Variants in CDH19 observed in about 807,000 individuals in gnomAD.
CDH19 encodes cadherin 19.
A neutral mutation model predicts 64.2 loss-of-function variants in CDH19; 67 were observed. The observed-to-expected ratio is 1.04, with a 90% CI of 0.86 to 1.28. The LOEUF is 1.28. Ranked by LOEUF, CDH19 falls within the 50% of genes most tolerant of loss-of-function variation. The pLI is 0.00. For synonymous variants in CDH19, 346 were observed against 319.3 expected (o/e 1.08, Z -0.89); for missense variants, 1,030 against 929.0 (o/e 1.11, Z -1.41).
chr18:66,546,721 G>A (rs1253651117), intron 5 of CDH19, among the ~76,000 whole-genome samples: 1 of 152,092 alleles, frequency 6.6e-6, no homozygotes, highest in Non-Finnish European at 1.5e-5. Context: ...TAAAGATAAG[G>A]TGTAAAGTAT....
chr18:66,600,298 T>C (rs753137300), intron 1 of CDH19, among the ~76,000 whole-genome samples: 49 of 151,864 alleles, frequency 3.2e-4, no homozygotes, highest in Non-Finnish European at 5.6e-4. Context: ...CCTTACTTTA[T>C]TTTTTAAAAA....
At chr18:66,554,062 C>T (rs928528474) in intron 4 of CDH19, among the ~76,000 whole-genome samples, 4 of 151,928 alleles carry the variant, frequency 2.6e-5, no homozygotes, top group African/African-American at 9.7e-5. Context: ...TTTTAATATG[C>T]TTACTGGCTT....
intron 1 of CDH19, among the ~76,000 whole-genome samples, chr18:66,589,811 A>T (rs1031091331): frequency 9.2e-5 from 14 of 151,908 alleles, no homozygotes; most frequent in Non-Finnish European, 1.5e-5. Context: ...ATCAGTACAA[A>T]ATCTAAAAAT....
intron 1 of CDH19, among the ~76,000 whole-genome samples, chr18:66,593,326 C>T (rs748368950): frequency 1.3e-5 from 2 of 151,856 alleles, no homozygotes; most frequent in South Asian, 4.1e-4. Context: ...ATCTGTGACT[C>T]TATCTTAAAG....
intron 1 of CDH19, among the ~76,000 whole-genome samples, chr18:66,578,506 C>CATA (rs1166383663): frequency 2.0e-5 from 3 of 151,730 alleles, no homozygotes; most frequent in Non-Finnish European, 4.4e-5. Flanking sequence ...AGCAACTGTA[C>CATA]CTCTCATACA....
intron 1 of CDH19, among the ~76,000 whole-genome samples, chr18:66,586,801 A>G (rs1988592114): frequency 6.6e-6 from 1 of 152,120 alleles, no homozygotes; most frequent in South Asian, 2.1e-4. Flanking sequence ...TTAATATTAG[A>G]ACAATGTTAA....
At chr18:66,521,710 A>C (rs1283739421) in intron 9 of CDH19, among the ~76,000 whole-genome samples, 1 of 151,568 alleles carries the variant, frequency 6.6e-6, no homozygotes, top group African/African-American at 2.4e-5. Flanking sequence ...TAATTAAAAA[A>C]AAAAAATGTA....
rs573561639 is a variant in CDH19 at position 66,548,376 on chromosome 18, G to C, written c.775+2718C>G. ...TATTTAATATGAGGTTCTCAGCCCAGAGGTGGTTATGTAAAGCCACGTGTC... is the reference window on the plus strand; with the variant it reads ...TATTTAATATGAGGTTCTCAGCCCACAGGTGGTTATGTAAAGCCACGTGTC... On this transcript the variant is annotated intron_variant, in intron 5 of 11. Coordinates refer to ENST00000262150, the MANE Select transcript of CDH19 (RefSeq NM_021153.4). Among the ~76,000 whole-genome samples, 90 of 86,798 alleles carry C rather than the reference G, an allele frequency of 1.0e-3. 2 individuals are homozygous for C. In the East Asian group the frequency reaches 0.019, roughly 18 times the overall value. 56.9% of individuals were successfully genotyped at this position (86,798 alleles called of 152,430 possible). A position where few individuals can be genotyped will look rare whatever the true frequency, so the allele number is the denominator to read the frequency against.
intron 8 of CDH19, among the ~76,000 whole-genome samples, chr18:66,533,748 G>A (rs1370449174): frequency 1.3e-5 from 2 of 151,976 alleles, no homozygotes; most frequent in Non-Finnish European, 2.9e-5. Flanking sequence ...ATTTTTAAAT[G>A]GAACATCTCT....
intron 3 of CDH19, among the ~76,000 whole-genome samples, chr18:66,564,520 T>A (rs1205479841): frequency 3.3e-5 from 5 of 151,882 alleles, no homozygotes; most frequent in African/African-American, 4.8e-5. Flanking sequence ...TTGGAAAAGC[T>A]CCAAAGAGAG....
At chr18:66,522,465 G>T (rs1986039303) in intron 9 of CDH19, among the ~76,000 whole-genome samples, 2 of 151,828 alleles carry the variant, frequency 1.3e-5, no homozygotes, top group South Asian at 4.1e-4. Context: ...GGCCAGGCTG[G>T]TTTCGAACCC....
At chr18:66,543,155 A>G (rs1256440440) in intron 7 of CDH19, among the ~76,000 whole-genome samples, 1 of 152,042 alleles carries the variant, frequency 6.6e-6, no homozygotes, top group African/African-American at 2.4e-5. Flanking sequence ...CCTCCTGAGT[A>G]GCTGGGACTA....
At chr18:66,506,829 T>C (rs1009901961) in intron 11 of CDH19, among the ~76,000 whole-genome samples, 1 of 151,918 alleles carries the variant, frequency 6.6e-6, no homozygotes, top group Non-Finnish European at 1.5e-5. Flanking sequence ...ATGTTGGTTA[T>C]ATAGTATTTA....
At chr18:66,585,804 T>C (rs909543586) in intron 1 of CDH19, among the ~76,000 whole-genome samples, 1 of 151,992 alleles carries the variant, frequency 6.6e-6, no homozygotes, top group Non-Finnish European at 1.5e-5. Flanking sequence ...TATTTGAATG[T>C]CATTATTTTT....
rs1401809727 is a variant in CDH19, at chr18:66,588,218, T to A, written c.-113+15736A>T. Among the ~76,000 whole-genome samples, 8 of 152,090 alleles carry A rather than the reference T, an allele frequency of 5.3e-5. No homozygotes were observed. The East Asian group carries it at 1.5e-3, about 29-fold the overall frequency. ...AGTGAGTGTGACCATGTGAGGGTGA[T>A]CCTGCAATGGGATGGCACCCTGTCT... On this transcript the variant is annotated intron_variant, in intron 1 of 11. Coordinates refer to ENST00000262150, the MANE Select transcript of CDH19 (RefSeq NM_021153.4).
Position 66,514,352 on chromosome 18 carries a change from G to T in CDH19, c.1459-2667C>A, listed in dbSNP as rs1985636951. 2.0e-5 allele frequency among the ~76,000 whole-genome samples: 3 copies of T among 151,546 alleles called. No homozygotes were observed. The South Asian group carries it at 6.2e-4, about 31-fold the overall frequency. On this transcript the variant is annotated intron_variant, in intron 9 of 11. Transcript: ENST00000262150. Reference sequence around the variant, plus strand: ...ATAAAAGTTAGTGACAGAGAAATAAGTAATATAATTTTGTAGAATAAGGAC... The same window carrying T: ...ATAAAAGTTAGTGACAGAGAAATAATTAATATAATTTTGTAGAATAAGGAC...
Position 66,581,969 on chromosome 18 carries a change from G to A in CDH19, c.-112-9653C>T, listed in dbSNP as rs1253680514. The stretch of plus-strand genomic sequence containing the variant: ...TATATTCAGTAATTTTAAGTGACCT[G>A]TCCTGTAAACAAATGTATTCATAAC... On this transcript the variant is annotated intron_variant, in intron 1 of 11. Transcript: ENST00000262150. 2.1e-4 allele frequency among the ~76,000 whole-genome samples: 32 copies of A among 151,964 alleles called. 1 individual carries two copies.
chr18:66,532,538 A>AG, intron 8 of CDH19: 2 of 306,380 alleles, frequency 6.5e-6, no homozygotes, highest in South Asian at 5.8e-5. Flanking sequence ...AGAGAGAGAG[A>AG]GGGAAAAAAA....
chr18:66,545,278 G>A (rs1040137626), intron 5 of CDH19, among the ~76,000 whole-genome samples: 2 of 151,726 alleles, frequency 1.3e-5, no homozygotes, highest in Admixed American at 6.6e-5. Flanking sequence ...GTGCCGGGTC[G>A]CAATTGTAGC....
Sources: gnomAD v4.1 joint callset for allele counts (sites outside exome capture counted in the v4.1 genomes callset) on GRCh38, gnomAD v4.1.1 for gene constraint, MANE v1.5 for transcripts, NCBI Gene and HGNC (gene_info 2026-07-23, HGNC 2026-07-21) for gene names.